The following LPIN3 variants were observed in gnomAD, a reference collection of about 807,000 sequenced individuals.
LPIN3 encodes the protein phosphatidate phosphatase LPIN3.
In LPIN3, 82 loss-of-function variants were observed where a neutral mutation model predicts 94.7. The ratio of observed to expected loss-of-function variants is 0.87; its 90% CI spans 0.72 to 1.04. The LOEUF is 1.04. Ranked by LOEUF, LPIN3 falls within the 50% of genes least tolerant of loss-of-function variation. The pLI, the probability that LPIN3 is intolerant of heterozygous loss-of-function variation, is 0.00. For missense variants in LPIN3, 996 were observed against 1,090.5 expected, an observed-to-expected ratio of 0.91 and a Z score of 1.22; for synonymous variants, 418 against 443.3, an observed-to-expected ratio of 0.94 and a Z score of 0.72.
At chr20:41,353,871 C>G (rs1208372839) in intron 11 of LPIN3, among the ~76,000 whole-genome samples, 1 of 152,194 alleles carries the variant, frequency 6.6e-6, no homozygotes, top group East Asian at 1.9e-4. Context: ...TGAGGTAGGA[C>G]CCAGAGTCTG....
In LPIN3 at chr20:41,350,323, C is replaced by T; in HGVS notation, c.1028C>T (p.Ser343Phe). The change falls in exon 7 of 20, where the codon TCC becomes TTC. Residue 343 changes from serine to phenylalanine, a missense_variant. Coordinates refer to ENST00000373257, the MANE Select transcript of LPIN3 (RefSeq NM_022896.3). ...SSGDMGLPPA[S>F]KSWSWATLEV... ...GGGGACATGGGCCTCCCTCCTGCCTCCAAGTCATGGAGCTGGGCCACTCTG... is the reference window on the plus strand; with the variant it reads ...GGGGACATGGGCCTCCCTCCTGCCTTCAAGTCATGGAGCTGGGCCACTCTG... The T allele has an allele frequency of 6.2e-7, 1 of 1,611,394 alleles. No individual in the cohort carries two copies. The highest frequency in any genetic ancestry group is 8.5e-7 in the Non-Finnish European group (1 of 1,178,054).
chr20:41,341,520 G>A (rs370291078), intron 1 of LPIN3, among the ~76,000 whole-genome samples: 129 of 152,342 alleles, frequency 8.5e-4, no homozygotes, highest in African/African-American at 2.9e-3. Flanking sequence ...AGGGCTGAGA[G>A]CCTAGTCCTA....
chr20:41,351,606 TTC>T (rs549390166), intron 7 of LPIN3, among the ~76,000 whole-genome samples: 11 of 152,266 alleles, frequency 7.2e-5, no homozygotes, highest in Admixed American at 7.2e-4. Flanking sequence ...AGAATTCCAT[TTC>T]TCTGTCACAC....
In LPIN3 at chr20:41,345,830, G is replaced by A; in HGVS notation, c.27G>A (p.Glu9=). The A allele has an allele frequency of 5.0e-6, 8 of 1,613,618 alleles. No individual in the cohort carries two copies. The highest frequency in any genetic ancestry group is 6.8e-6 in the Non-Finnish European group (8 of 1,179,616). The change falls in exon 2 of 20, where the codon GAG becomes GAA. Residue 9 remains glutamate (E), a synonymous_variant. Coordinates refer to ENST00000373257, the MANE Select transcript of LPIN3 (RefSeq NM_022896.3). MNYVGQLA[E]TVFGTVKELY... Reference sequence around the variant, plus strand: ...TGAACTACGTGGGGCAGCTGGCGGAGACGGTGTTTGGGACGGTGAAGGAGC... The same window carrying A: ...TGAACTACGTGGGGCAGCTGGCGGAAACGGTGTTTGGGACGGTGAAGGAGC...
Position 41,360,060 on chromosome 20 carries a change from T to C in LPIN3, c.*1194T>C, listed in dbSNP as rs2147030040. On this transcript the variant is annotated 3_prime_UTR_variant, in exon 20 of 20. Coordinates refer to ENST00000373257, the MANE Select transcript of LPIN3 (RefSeq NM_022896.3). ...AATGTCCAGGAACCAAAGGCAGGGCTGTGGGGACCTGAAGAGCAGCACAGT... is the reference window on the plus strand; with the variant it reads ...AATGTCCAGGAACCAAAGGCAGGGCCGTGGGGACCTGAAGAGCAGCACAGT... 1 of 152,800 alleles carries C rather than the reference T, an allele frequency of 6.5e-6. No homozygotes were observed. The highest frequency in any genetic ancestry group is 2.1e-4 in the South Asian group (1 of 4,816). 9.5% of individuals were successfully genotyped at this position (152,800 alleles called of 1,614,324 possible).
chr20:41,346,479 G>A, intron 2 of LPIN3, among the ~76,000 whole-genome samples: 1 of 152,158 alleles, frequency 6.6e-6, no homozygotes, highest in Middle Eastern at 3.2e-3. Context: ...GGTGGCTCAC[G>A]CCTATAATCC....
In LPIN3 at chr20:41,350,221, C is replaced by T. The variant is rs752683342; in HGVS notation, c.926C>T (p.Pro309Leu). The T allele has an allele frequency of 2.5e-6, 4 of 1,613,722 alleles. No homozygotes were observed. Among genetic ancestry groups the T allele is most frequent in the South Asian group, 2.2e-5 (2 of 91,076 alleles). The change falls in exon 7 of 20, where the codon CCT becomes CTT. Residue 309 changes from proline (P) to leucine (L), a missense_variant. By Grantham distance (98) the Pro-to-Leu change is moderately conservative. Coordinates refer to ENST00000373257, the MANE Select transcript of LPIN3 (RefSeq NM_022896.3). ...ACAGAGGCTGGTGCCGACCTTCAGC[C>T]TGACACAGAGGATCCCACTCTAGTG... ...QQTEAGADLQPDTEDPTLVGP... is the reference protein window; with the variant it reads ...QQTEAGADLQLDTEDPTLVGP...
In LPIN3 at chr20:41,353,031, C is replaced by A. The variant is rs1391926424; in HGVS notation, c.1527+164C>A. On this transcript the variant is annotated intron_variant, in intron 11 of 19. Coordinates refer to ENST00000373257, the MANE Select transcript of LPIN3 (RefSeq NM_022896.3). ...GGAGAGGCGACACACGTCCCTGAAGCCTTGCCTCACCCTTCCCTGGTTTCC... is the reference window on the plus strand; with the variant it reads ...GGAGAGGCGACACACGTCCCTGAAGACTTGCCTCACCCTTCCCTGGTTTCC... Among the ~76,000 whole-genome samples the A allele has an allele frequency of 2.0e-5, 3 of 152,228 alleles. No homozygotes were observed. The East Asian group carries it at 5.8e-4, about 29-fold the overall frequency.
At chr20:41,346,068 A>C (rs1003521629) in intron 2 of LPIN3, 73 bp downstream of exon 2, 2 of 1,499,464 alleles carry the variant, frequency 1.3e-6, no homozygotes, top group Non-Finnish European at 1.8e-6. Flanking sequence ...CTACAGTCCC[A>C]GGACAGGACC....
At position 41,355,824 on chromosome 20, in the gene LPIN3, C is replaced by T. The variant is rs1353352769; in HGVS notation, c.1665-72C>T. ...GGCATGGCGGGGACAGGTCCAGCCT[C>T]CTCTTGGCATCTCCCGGGAGTGAAG... On this transcript the variant is annotated intron_variant, in intron 13 of 19. Transcript: ENST00000373257. The T allele has an allele frequency of 2.5e-6, 4 of 1,582,860 alleles. No homozygotes were observed. The African/African-American group carries it at 5.4e-5, about 21-fold the overall frequency.
At chr20:41,354,201 A>G (rs1339481393) in intron 11 of LPIN3, among the ~76,000 whole-genome samples, 2 of 152,218 alleles carry the variant, frequency 1.3e-5, no homozygotes, top group African/African-American at 4.8e-5. Flanking sequence ...TGTTCATGGA[A>G]TAGGATCACC....
intron 9 of LPIN3, 101 bp downstream of exon 9, chr20:41,352,321 G>A (rs79682866): frequency 7.2e-7 from 1 of 1,381,588 alleles, no homozygotes. Context: ...GAGGTGAGAG[G>A]CTGGGCTTCC....
At chr20:41,349,245 T>A (rs2045909570) in intron 5 of LPIN3, 73 bp downstream of exon 5, 15 of 1,298,558 alleles carry the variant, frequency 1.2e-5, no homozygotes, top group Non-Finnish European at 1.5e-5. Flanking sequence ...TTTTTCCTGA[T>A]GACTAATGAC....
chr20:41,342,937 G>A (rs992180741), intron 1 of LPIN3, among the ~76,000 whole-genome samples: 3 of 152,184 alleles, frequency 2.0e-5, no homozygotes, highest in African/African-American at 4.8e-5. Context: ...GTAGGACCCC[G>A]GGTGCCATCT....
intron 3 of LPIN3, 119 bp from the exon 4 acceptor site, chr20:41,348,500 C>G: frequency 7.0e-7 from 1 of 1,435,892 alleles, no homozygotes; most frequent in Non-Finnish European, 9.2e-7. Context: ...CACCTGTTTT[C>G]CTGACCCTAA....
intron 16 of LPIN3, 115 bp from the exon 17 acceptor site, chr20:41,357,767 G>A: frequency 1.4e-6 from 2 of 1,395,686 alleles, no homozygotes; most frequent in Admixed American, 3.8e-5. Context: ...TCCCCTCCCT[G>A]CAAAGGTTGG....
chr20:41,350,062 G>A lies in LPIN3; in HGVS notation c.767G>A (p.Arg256Lys), dbSNP rs1334364718. The change falls in exon 7 of 20, where the codon AGA becomes AAA. Residue 256 changes from arginine (R) to lysine (K), a missense_variant. Coordinates refer to ENST00000373257, the MANE Select transcript of LPIN3 (RefSeq NM_022896.3). ...WAWGRLPKVA[R>K]AERPESSVVL... The stretch of plus-strand genomic sequence containing the variant: ...CCATTTGTTCCACTAAAGGTGGCCA[G>A]AGCTGAGCGGCCCGAGTCCTCAGTG... The A allele has an allele frequency of 1.3e-6, 2 of 1,597,236 alleles. No homozygotes were observed. The highest frequency in any genetic ancestry group is 1.1e-5 in the South Asian group (1 of 89,228).
rs2046081107 is a variant in LPIN3, at chr20:41,352,943, A to G, written c.1527+76A>G. ...AGGGCACGGAGACCCTTAGCAAGGAAGTGAAGGGTGAGCAGAGATGGGCCT... is the reference window on the plus strand; with the variant it reads ...AGGGCACGGAGACCCTTAGCAAGGAGGTGAAGGGTGAGCAGAGATGGGCCT... On this transcript the variant is annotated intron_variant, in intron 11 of 19. Coordinates refer to ENST00000373257, the MANE Select transcript of LPIN3 (RefSeq NM_022896.3). 4.6e-6 allele frequency: 7 copies of G among 1,521,284 alleles called. 1 individual carries two copies. The South Asian group carries it at 7.9e-5, about 17-fold the overall frequency. The allele number at this position is 1,521,284 out of a possible 1,614,324, so 94.2% of individuals were successfully genotyped here.
At chr20:41,345,220 G>C (rs2045724729) in intron 1 of LPIN3, among the ~76,000 whole-genome samples, 1 of 152,176 alleles carries the variant, frequency 6.6e-6, no homozygotes, top group Admixed American at 6.5e-5. Context: ...GCAGGGCCCT[G>C]GGCCTGCTAT....
Sources: allele counts gnomAD v4.1 joint callset (sites outside exome capture counted in the v4.1 genomes callset), GRCh38; gene constraint gnomAD v4.1.1; transcripts MANE v1.5; gene names NCBI Gene and HGNC (gene_info 2026-07-23, HGNC 2026-07-21).